The following ROCK1 variants were observed in gnomAD, a reference collection of about 807,000 sequenced individuals.
ROCK1 encodes the protein rho-associated protein kinase 1.
ROCK1 carries 36 observed loss-of-function variants against 196.8 expected under a neutral mutation model. The observed-to-expected ratio is 0.18, with a 90% confidence interval of 0.14 to 0.24. The LOEUF (loss-of-function observed/expected upper bound fraction) is 0.24. ROCK1 is among the 10% of genes least tolerant of loss of function. The pLI is 1.00. For missense variants in ROCK1, 920 were observed against 1,562.0 expected (o/e 0.59, Z 6.93); for synonymous variants, 443 against 515.9 (o/e 0.86, Z 1.91).
intron 22 of ROCK1, among the ~76,000 whole-genome samples, chr18:20,972,790 G>C (rs1386475368): frequency 6.6e-6 from 1 of 152,190 alleles, no homozygotes; most frequent in Non-Finnish European, 1.5e-5. Context: ...GCTCAAGAGA[G>C]AATGAAAGAA....
chr18:20,999,168 C>G (rs1241329306), intron 16 of ROCK1, among the ~76,000 whole-genome samples: 1 of 151,952 alleles, frequency 6.6e-6, no homozygotes, highest in Non-Finnish European at 1.5e-5. Context: ...TTCATCATGA[C>G]AAATACCATT....
At chr18:20,960,733 C>G (rs1327436871) in intron 27 of ROCK1, 1 of 151,324 alleles carries the variant, frequency 6.6e-6, no homozygotes, top group South Asian at 2.1e-4. Flanking sequence ...GAATAAGAGA[C>G]AAGTATTTTA....
In ROCK1 at chr18:20,950,013, G is replaced by T. The variant is rs943002521; in HGVS notation, c.*1371C>A. ...GAAACATGCATATCATCCTAGAGAC[G>T]ATCGGTTTTCCAGTGCTTCTTATCT... is the stretch of plus-strand genomic sequence containing the variant. On this transcript the variant is annotated 3_prime_UTR_variant, in exon 33 of 33. Coordinates refer to ENST00000399799, the MANE Select transcript of ROCK1 (RefSeq NM_005406.3). 1.3e-5 allele frequency: 2 copies of T among 152,596 alleles called. No homozygotes were observed. Among genetic ancestry groups the T allele is most frequent in the Non-Finnish European group, 2.9e-5 (2 of 68,038 alleles). The allele number at this position is 152,596 out of a possible 1,614,324, so 9.5% of individuals were successfully genotyped here. A position where few individuals can be genotyped will look rare whatever the true frequency, so the allele number is the denominator to read the frequency against.
At position 20,969,192 on chromosome 18, in the gene ROCK1, C is replaced by T. The variant is rs377651671; in HGVS notation, c.2837G>A (p.Ser946Asn). The T allele has an allele frequency of 1.3e-5, 21 of 1,600,854 alleles. No individual in the cohort carries two copies. Among genetic ancestry groups the T allele is most frequent in the Non-Finnish European group, 1.8e-5 (21 of 1,176,474 alleles). The change falls in exon 24 of 33, where the codon AGC becomes AAC. Residue 946 changes from serine (S) to asparagine (N), a missense_variant. This residue lies in a region of ROCK1 where 520 missense variants were observed against 657.1 expected (regional missense o/e 0.79). Transcript: ENST00000399799. ...TATTTCAATATCTTTGGTTAGCATG[C>T]TGTTTGCTTCTTCAAGCTAAACAAA... ...HTVSRLEEAN[S>N]MLTKDIEILR...
intron 7 of ROCK1, 72 bp from the exon 8 acceptor site, chr18:21,042,307 CAA>C: frequency 7.5e-7 from 1 of 1,331,304 alleles, no homozygotes; most frequent in Non-Finnish European, 1.0e-6. Flanking sequence ...AAGGAAGAGT[CAA>C]AGTTACCCGT....
intron 21 of ROCK1, among the ~76,000 whole-genome samples, chr18:20,981,272 T>C (rs2035530581): frequency 6.6e-6 from 1 of 151,866 alleles, no homozygotes; most frequent in Admixed American, 6.6e-5. Flanking sequence ...CGGGCGCCTG[T>C]AGTTCCAGCT....
At chr18:20,980,240 A>T (rs1398864278) in intron 21 of ROCK1, among the ~76,000 whole-genome samples, 1 of 136,596 alleles carries the variant, frequency 7.3e-6, no homozygotes, top group Admixed American at 7.1e-5. Flanking sequence ...TACATGGGTT[A>T]AAAAAAAAAC....
chr18:21,074,290 A>C (rs2036411675), intron 1 of ROCK1, among the ~76,000 whole-genome samples: 1 of 152,232 alleles, frequency 6.6e-6, no homozygotes, highest in African/African-American at 2.4e-5. Flanking sequence ...TACAGTTAAA[A>C]TCTGTTTAAC....
At chr18:20,978,023 G>T (rs1250322593) in intron 22 of ROCK1, among the ~76,000 whole-genome samples, 5 of 152,066 alleles carry the variant, frequency 3.3e-5, no homozygotes, top group Non-Finnish European at 7.4e-5. Flanking sequence ...ATACAGCTCT[G>T]CAACAAACTA....
intron 27 of ROCK1, among the ~76,000 whole-genome samples, chr18:20,964,008 C>G (rs1306205224): frequency 6.6e-6 from 1 of 151,946 alleles, no homozygotes; most frequent in East Asian, 1.9e-4. Context: ...AAAATGGCCA[C>G]TAAGGATTCA....
intron 31 of ROCK1, among the ~76,000 whole-genome samples, chr18:20,954,117 G>T (rs1389243826): frequency 3.6e-5 from 5 of 139,824 alleles, no homozygotes; most frequent in Non-Finnish European, 6.2e-5. Flanking sequence ...CTGTGATACA[G>T]CATGCATGCT....
intron 12 of ROCK1, 123 bp from the exon 13 acceptor site, chr18:21,015,602 T>G: frequency 4.4e-6 from 3 of 675,556 alleles, no homozygotes; most frequent in Non-Finnish European, 7.8e-6. Context: ...GTGCCATGGA[T>G]CTCTTTGGCA....
intron 4 of ROCK1, among the ~76,000 whole-genome samples, chr18:21,046,655 A>C (rs1300818731): frequency 6.6e-6 from 1 of 152,168 alleles, no homozygotes; most frequent in Non-Finnish European, 1.5e-5. Flanking sequence ...GTGACTGGGG[A>C]TCAAATAAAA....
chr18:20,957,511 C>T (rs1398373262), intron 29 of ROCK1, among the ~76,000 whole-genome samples: 18 of 151,158 alleles, frequency 1.2e-4, no homozygotes, highest in Admixed American at 2.6e-4. Flanking sequence ...GATGGAGTCT[C>T]GCTCTGTCAC....
rs147438873 is a variant in ROCK1, at chr18:20,975,450, C to T, written c.2654+4460G>A. On this transcript the variant is annotated intron_variant, in intron 22 of 32. Transcript: ENST00000399799. ...ACTCTGTCTCTTGTTTTACCCTTTCCATTCAGTCTCAATCTACTTTAATAC... is the reference window on the plus strand; with the variant it reads ...ACTCTGTCTCTTGTTTTACCCTTTCTATTCAGTCTCAATCTACTTTAATAC... Among the ~76,000 whole-genome samples, 6 of 152,190 alleles carry T rather than the reference C, an allele frequency of 3.9e-5. No individual in the cohort carries two copies. The Middle Eastern group carries it at 0.01, about 259-fold the overall frequency.
At chr18:21,083,042 A>G (rs2036495442) in intron 1 of ROCK1, among the ~76,000 whole-genome samples, 1 of 152,198 alleles carries the variant, frequency 6.6e-6, no homozygotes, top group Non-Finnish European at 1.5e-5. Flanking sequence ...GCATTTCTAT[A>G]TACTAACAGT....
At chr18:21,006,853 C>CT in intron 14 of ROCK1, 63 bp from the exon 15 acceptor site, 7 of 1,183,850 alleles carry the variant, frequency 5.9e-6, no homozygotes. Flanking sequence ...CATATAAATC[C>CT]TTTTTTAAAA....
chr18:21,016,167 T>C (rs1177518970), intron 12 of ROCK1, among the ~76,000 whole-genome samples: 1 of 152,168 alleles, frequency 6.6e-6, no homozygotes, highest in Non-Finnish European at 1.5e-5. Context: ...TAAGAAAACA[T>C]CTATAATTTC....
intron 2 of ROCK1, among the ~76,000 whole-genome samples, chr18:21,061,080 A>AT (rs772672441): frequency 0.011 from 1,494 of 140,396 alleles, 11 homozygotes; most frequent in Non-Finnish European, 0.014. Flanking sequence ...AAATGCTTTT[A>AT]TTTTTTTTTT....
Sources: gnomAD v4.1 joint callset for allele counts (sites outside exome capture counted in the v4.1 genomes callset) on GRCh38, gnomAD v4.1.1 for gene constraint, gnomAD v4.1.1 regional missense constraint, MANE v1.5 for transcripts, NCBI Gene and HGNC (gene_info 2026-07-23, HGNC 2026-07-21) for gene names.